The following MDGA2 variants were observed in gnomAD, a reference collection of about 807,000 sequenced individuals.
MDGA2 encodes the protein MAM domain-containing glycosylphosphatidylinositol anchor protein 2.
MDGA2 carries 40 observed loss-of-function variants against 117.8 expected under a neutral mutation model. That is an observed-to-expected ratio of 0.34 (90% CI 0.26 to 0.44). The LOEUF is 0.44. Among genes scored for constraint, MDGA2 ranks in the 20% least tolerant of loss-of-function variants. MDGA2 has a pLI of 1.00. For synonymous variants in MDGA2, 452 were observed against 439.0 expected (o/e 1.03, Z -0.37); for missense variants, 1,123 against 1,250.6 (o/e 0.90, Z 1.54).
chr14:47,543,764 GCTAT>G (rs898859435), intron 1 of MDGA2, among the ~76,000 whole-genome samples: 2 of 152,174 alleles, frequency 1.3e-5, no homozygotes, highest in African/African-American at 4.8e-5. Flanking sequence ...TTTGAAAGAT[GCTAT>G]CTAAGAGATT....
At chr14:47,281,693 G>GTGT (rs1481373382) in intron 2 of MDGA2, among the ~76,000 whole-genome samples, 1 of 152,010 alleles carries the variant, frequency 6.6e-6, no homozygotes, top group Non-Finnish European at 1.5e-5. Flanking sequence ...TATTTTTTAG[G>GTGT]TGTTGTAAAA....
intron 4 of MDGA2, among the ~76,000 whole-genome samples, chr14:47,134,217 G>A (rs1020019523): frequency 1.3e-5 from 2 of 151,948 alleles, no homozygotes; most frequent in Non-Finnish European, 2.9e-5. Flanking sequence ...CTTGCTCTCA[G>A]CATTATATTC....
intron 1 of MDGA2, among the ~76,000 whole-genome samples, chr14:47,648,054 C>G (rs1222578346): frequency 6.6e-6 from 1 of 152,104 alleles, no homozygotes; most frequent in African/African-American, 2.4e-5. Flanking sequence ...CTAACCACTT[C>G]AAATTGTGTA....
chr14:46,893,563 G>A (rs1476362364), intron 10 of MDGA2, among the ~76,000 whole-genome samples: 4 of 151,848 alleles, frequency 2.6e-5, no homozygotes, highest in African/African-American at 9.7e-5. Context: ...GAATGAATAC[G>A]TTAATTTGCG....
intron 3 of MDGA2, among the ~76,000 whole-genome samples, chr14:47,172,317 G>C (rs942856700): frequency 6.6e-6 from 1 of 152,086 alleles, no homozygotes; most frequent in Non-Finnish European, 1.5e-5. Flanking sequence ...CACGCAGCTG[G>C]AGATCTCAGA....
At chr14:47,268,456 A>C (rs1280918018) in intron 2 of MDGA2, among the ~76,000 whole-genome samples, 2 of 152,228 alleles carry the variant, frequency 1.3e-5, no homozygotes, top group African/African-American at 4.8e-5. Flanking sequence ...ATACTAAAAG[A>C]ACAAATGGCT....
intron 9 of MDGA2, among the ~76,000 whole-genome samples, chr14:46,954,223 T>C (rs1885475875): frequency 6.6e-6 from 1 of 151,944 alleles, no homozygotes; most frequent in African/African-American, 2.4e-5. Flanking sequence ...CTTTGCTGAG[T>C]TGTAAGACAC....
intron 1 of MDGA2, among the ~76,000 whole-genome samples, chr14:47,454,364 T>C (rs1393097640): frequency 1.3e-5 from 2 of 152,198 alleles, no homozygotes; most frequent in African/African-American, 4.8e-5. Flanking sequence ...TTATCATAAA[T>C]AATGATGTTT....
At chr14:47,462,642 C>G (rs893060669) in intron 1 of MDGA2, among the ~76,000 whole-genome samples, 2 of 152,118 alleles carry the variant, frequency 1.3e-5, no homozygotes, top group East Asian at 1.9e-4. Context: ...AACTCAGAAT[C>G]TCCCAGGGAA....
intron 3 of MDGA2, among the ~76,000 whole-genome samples, chr14:47,181,376 T>A (rs1207072184): frequency 6.6e-6 from 1 of 152,124 alleles, no homozygotes; most frequent in African/African-American, 2.4e-5. Context: ...GGAACCAACC[T>A]AAATGTCCAT....
chr14:47,478,777 T>C (rs1893893451), intron 1 of MDGA2, among the ~76,000 whole-genome samples: 2 of 152,110 alleles, frequency 1.3e-5, no homozygotes, highest in Non-Finnish European at 2.9e-5. Context: ...CTCCTGTGAG[T>C]TAGAGATTAA....
chr14:46,923,359 T>G (rs1420105680), intron 9 of MDGA2, among the ~76,000 whole-genome samples: 1 of 151,612 alleles, frequency 6.6e-6, no homozygotes, highest in African/African-American at 2.4e-5. Context: ...ATATCTCATA[T>G]TATAGATAAA....
intron 1 of MDGA2, among the ~76,000 whole-genome samples, chr14:47,562,513 T>A (rs1895835901): frequency 6.6e-6 from 1 of 152,234 alleles, no homozygotes; most frequent in Admixed American, 6.5e-5. Flanking sequence ...CTAGGTTTTC[T>A]AGCTTGTGTG....
intron 2 of MDGA2, among the ~76,000 whole-genome samples, chr14:47,267,112 T>G (rs1442214255): frequency 6.6e-6 from 1 of 152,144 alleles, no homozygotes; most frequent in Non-Finnish European, 1.5e-5. Flanking sequence ...CTGGTAACAC[T>G]GTCCTTGTTA....
In MDGA2 at chr14:46,841,197, C is replaced by G. The variant is rs770399403; in HGVS notation, c.*734G>C. On this transcript the variant is annotated 3_prime_UTR_variant, in exon 17 of 17. Transcript: ENST00000399232. Reference sequence around the variant, plus strand: ...GACGTAGTTTGGGTGTTCAAGTGGCCGCAAGCAAACTCCGATAAGCCTGTG... The same window carrying G: ...GACGTAGTTTGGGTGTTCAAGTGGCGGCAAGCAAACTCCGATAAGCCTGTG... The G allele has an allele frequency of 6.6e-6, 1 of 152,352 alleles. No individual in the cohort carries two copies. The highest frequency in any genetic ancestry group is 2.4e-5 in the African/African-American group (1 of 41,354). The allele number at this position is 152,352 out of a possible 1,614,324, so 9.4% of individuals were successfully genotyped here.
chr14:47,035,656 T>C (rs1888820304), intron 7 of MDGA2, among the ~76,000 whole-genome samples: 1 of 152,076 alleles, frequency 6.6e-6, no homozygotes, highest in Admixed American at 6.5e-5. Flanking sequence ...GTAGACTCAG[T>C]AGTCACAATA....
At chr14:46,949,226 T>G (rs2138605766) in intron 9 of MDGA2, among the ~76,000 whole-genome samples, 1 of 152,182 alleles carries the variant, frequency 6.6e-6, no homozygotes, top group South Asian at 2.1e-4. Flanking sequence ...ATGGGAGAAC[T>G]TTCTTTACAT....
chr14:47,033,850 T>C (rs927446041), intron 8 of MDGA2, among the ~76,000 whole-genome samples: 1 of 152,196 alleles, frequency 6.6e-6, no homozygotes, highest in Non-Finnish European at 1.5e-5. Flanking sequence ...CACACTCACA[T>C]ATCTCATGCA....
At chr14:47,120,270 C>CA (rs757912243) in intron 5 of MDGA2, among the ~76,000 whole-genome samples, 1 of 152,060 alleles carries the variant, frequency 6.6e-6, no homozygotes, top group Non-Finnish European at 1.5e-5. Flanking sequence ...GAAACCAAGG[C>CA]AATAGGTCCC....
Sources: gnomAD v4.1 joint callset for allele counts (sites outside exome capture counted in the v4.1 genomes callset) on GRCh38, gnomAD v4.1.1 for gene constraint, MANE v1.5 for transcripts, NCBI Gene and HGNC (gene_info 2026-07-23, HGNC 2026-07-21) for gene names.